The following NFIB variants were observed in gnomAD, a reference collection of about 807,000 sequenced individuals.
NFIB encodes the protein nuclear factor I B.
Under a neutral mutation model 61.5 loss-of-function variants are expected in NFIB, and 11 were observed. The ratio of observed to expected loss-of-function variants is 0.18; its 90% CI spans 0.11 to 0.30. NFIB has a LOEUF of 0.30. Ranked by LOEUF, NFIB falls within the 10% of genes least tolerant of loss-of-function variation. NFIB has a pLI of 1.00. For missense variants in NFIB, 471 were observed against 608.9 expected (o/e 0.77, Z 2.38); for synonymous variants, 260 against 216.5 (o/e 1.20, Z -1.76).
the NFIB span, among the ~76,000 whole-genome samples, chr9:14,438,142 G>C: frequency 1.3e-5 from 2 of 152,080 alleles, no homozygotes; most frequent in Non-Finnish European, 2.9e-5. Flanking sequence ...GGAGAGAAAG[G>C]CTGGACAAAT....
intron 6 of NFIB, among the ~76,000 whole-genome samples, chr9:14,143,072 C>A (rs2041927115): frequency 6.6e-6 from 1 of 151,998 alleles, no homozygotes; most frequent in East Asian, 1.9e-4. Context: ...AGCCCCCTAC[C>A]AAATGCTTAA....
At chr9:14,312,445 G>A (rs939873238) in intron 1 of NFIB, among the ~76,000 whole-genome samples, 2 of 152,182 alleles carry the variant, frequency 1.3e-5, no homozygotes, top group Admixed American at 1.3e-4. Context: ...CCGAAAAGCT[G>A]AAATAAGCTG....
intron 2 of NFIB, among the ~76,000 whole-genome samples, chr9:14,279,636 C>T (rs750992085): frequency 6.6e-6 from 1 of 152,138 alleles, no homozygotes; most frequent in East Asian, 1.9e-4. Context: ...AAGATATTTT[C>T]CAGGATGGAT....
At chr9:14,368,607 A>T (rs1214230287) in intron 1 of NFIB, among the ~76,000 whole-genome samples, 1 of 152,222 alleles carries the variant, frequency 6.6e-6, no homozygotes, top group Non-Finnish European at 1.5e-5. Context: ...TGGTTCAGTC[A>T]TCTGAATAAC....
At chr9:14,384,897 C>G (rs966002857) in intron 1 of NFIB, among the ~76,000 whole-genome samples, 3 of 152,050 alleles carry the variant, frequency 2.0e-5, no homozygotes, top group African/African-American at 7.3e-5. Context: ...TTTCCTAAAT[C>G]TTACTGTAGA....
intron 7 of NFIB, 45 bp downstream of exon 7, chr9:14,125,587 T>C: frequency 6.2e-7 from 1 of 1,610,286 alleles, no homozygotes; most frequent in Non-Finnish European, 8.5e-7. Flanking sequence ...GGTTAGGCCC[T>C]ACAGACAAGA....
At chr9:14,315,547 GGGCC>G (rs1292825574), upstream of NFIB, among the ~76,000 whole-genome samples, 19 of 143,406 alleles carry the variant, frequency 1.3e-4, no homozygotes, top group Non-Finnish European at 1.5e-5. Flanking sequence ...GCTGCGGGGC[GGGCC>G]GGCGGGCGCG....
intron 2 of NFIB, among the ~76,000 whole-genome samples, chr9:14,275,691 C>A (rs1053949202): frequency 4.6e-5 from 7 of 152,066 alleles, no homozygotes; most frequent in African/African-American, 1.7e-4. Flanking sequence ...TACTAAGAAA[C>A]TGATGTAAAA....
At chr9:14,095,964 C>T (rs181053402) in intron 10 of NFIB, among the ~76,000 whole-genome samples, 2 of 152,046 alleles carry the variant, frequency 1.3e-5, no homozygotes, top group African/African-American at 4.8e-5. Flanking sequence ...ATTACTTGAC[C>T]TTAAGATTTT....
the NFIB span, among the ~76,000 whole-genome samples, chr9:14,494,524 T>G: frequency 2.0e-5 from 3 of 152,230 alleles, no homozygotes; most frequent in African/African-American, 7.2e-5. Context: ...CTTTTCTTTT[T>G]CGCAGATCCA....
chr9:14,209,845 C>A (rs1043359206), intron 2 of NFIB, among the ~76,000 whole-genome samples: 4 of 151,820 alleles, frequency 2.6e-5, no homozygotes, highest in African/African-American at 9.7e-5. Flanking sequence ...CCCAAAAGTA[C>A]AGGATACATT....
At chr9:14,438,316 G>A in the NFIB span, among the ~76,000 whole-genome samples, 6 of 152,172 alleles carry the variant, frequency 3.9e-5, no homozygotes, top group South Asian at 2.1e-4. Flanking sequence ...AGAAAGAAAC[G>A]CTGGGTGCTA....
the NFIB span, among the ~76,000 whole-genome samples, chr9:14,437,740 A>G: frequency 6.6e-6 from 1 of 152,110 alleles, no homozygotes; most frequent in Non-Finnish European, 1.5e-5. Context: ...TGCCACTCCT[A>G]CCTTTTTTCC....
chr9:14,311,734 G>C (rs2060288913), intron 1 of NFIB, among the ~76,000 whole-genome samples: 1 of 152,174 alleles, frequency 6.6e-6, no homozygotes, highest in Admixed American at 6.5e-5. Context: ...TGCTAGCAAT[G>C]TTTCTGAAAA....
intron 3 of NFIB, among the ~76,000 whole-genome samples, chr9:14,169,829 C>A (rs1305754039): frequency 3.3e-5 from 5 of 152,056 alleles, no homozygotes; most frequent in South Asian, 2.1e-4. Flanking sequence ...AACAAACAAA[C>A]AACAGTCAAA....
chr9:14,517,368 C>T, the NFIB span, among the ~76,000 whole-genome samples: 2 of 152,188 alleles, frequency 1.3e-5, no homozygotes, highest in Non-Finnish European at 2.9e-5. Context: ...ACCCTTTGGG[C>T]CACTTTCCAA....
At chr9:14,409,509 C>T in the NFIB span, among the ~76,000 whole-genome samples, 2 of 152,150 alleles carry the variant, frequency 1.3e-5, no homozygotes, top group Non-Finnish European at 2.9e-5. Flanking sequence ...GCCCAGGCAG[C>T]AGCAACAGAC....
At chr9:14,369,471 G>A (rs1247897920) in intron 1 of NFIB, among the ~76,000 whole-genome samples, 1 of 152,134 alleles carries the variant, frequency 6.6e-6, no homozygotes, top group Non-Finnish European at 1.5e-5. Context: ...ATGGTTCCAT[G>A]TTGTTGATGC....
intron 6 of NFIB, among the ~76,000 whole-genome samples, chr9:14,134,954 T>C (rs1011270321): frequency 7.1e-6 from 1 of 140,882 alleles, no homozygotes; most frequent in African/African-American, 2.6e-5. Context: ...TGCCATTAGA[T>C]TATAAAGACA....
Sources: gnomAD v4.1 joint callset for allele counts (sites outside exome capture counted in the v4.1 genomes callset) on GRCh38, gnomAD v4.1.1 for gene constraint, MANE v1.5 for transcripts, NCBI Gene and HGNC (gene_info 2026-07-23, HGNC 2026-07-21) for gene names.